The following ANAPC1 variants were observed in gnomAD, a reference collection of about 807,000 sequenced individuals.
The protein encoded by ANAPC1 is anaphase-promoting complex subunit 1.
A neutral mutation model predicts 208.0 loss-of-function variants in ANAPC1; 36 were observed. That is an observed-to-expected ratio of 0.17 (90% CI 0.13 to 0.23). The LOEUF (loss-of-function observed/expected upper bound fraction) is 0.23. ANAPC1 is among the 10% of genes least tolerant of loss of function. ANAPC1 has a pLI of 1.00. For synonymous variants in ANAPC1, 378 were observed against 695.2 expected, an observed-to-expected ratio of 0.54 and a Z score of 7.18; for missense variants, 942 against 2,011.6, an observed-to-expected ratio of 0.47 and a Z score of 10.17.
At chr2:111,874,009 C>T (rs1359179926) in intron 3 of ANAPC1, among the ~76,000 whole-genome samples, 2 of 151,966 alleles carry the variant, frequency 1.3e-5, no homozygotes, top group Admixed American at 6.6e-5. Flanking sequence ...TAGCTCAAAC[C>T]ATACTAAACC....
At chr2:111,868,783 TCGGCCTC>T (rs1349528593) in intron 6 of ANAPC1, among the ~76,000 whole-genome samples, 1 of 152,236 alleles carries the variant, frequency 6.6e-6, no homozygotes, top group Non-Finnish European at 1.5e-5. Context: ...TCCACCTGCC[TCGGCCTC>T]CCAGAGTGCT....
intron 17 of ANAPC1, among the ~76,000 whole-genome samples, chr2:111,842,280 T>A (rs1433533634): frequency 3.3e-5 from 5 of 152,210 alleles, no homozygotes; most frequent in African/African-American, 1.2e-4. Flanking sequence ...CTAAGTAGTA[T>A]AATTATTTTC....
chr2:111,830,045 A>G (rs1386598413), intron 21 of ANAPC1, among the ~76,000 whole-genome samples: 1 of 152,108 alleles, frequency 6.6e-6, no homozygotes, highest in Admixed American at 6.6e-5. Context: ...ACTCTAGCCT[A>G]GGCGACAGAG....
At chr2:111,773,995 T>C (rs1022214491) in intron 46 of ANAPC1, among the ~76,000 whole-genome samples, 3 of 150,572 alleles carry the variant, frequency 2.0e-5, no homozygotes, top group African/African-American at 7.3e-5. Context: ...GGAATGGAGA[T>C]GAGAAAAAGC....
intron 1 of ANAPC1, among the ~76,000 whole-genome samples, chr2:111,882,468 G>A (rs1329820618): frequency 3.3e-5 from 5 of 151,948 alleles, no homozygotes; most frequent in African/African-American, 1.2e-4. Context: ...GATGGCTCAC[G>A]CCTGCAATCC....
At chr2:111,847,469 C>CA (rs1438820621) in intron 15 of ANAPC1, among the ~76,000 whole-genome samples, 7 of 152,172 alleles carry the variant, frequency 4.6e-5, no homozygotes, top group Non-Finnish European at 7.4e-5. Context: ...AATGAGAAGA[C>CA]AAAAAATCAC....
chr2:111,835,746 G>C (rs939005759), intron 18 of ANAPC1, among the ~76,000 whole-genome samples: 1 of 152,166 alleles, frequency 6.6e-6, no homozygotes, highest in Non-Finnish European at 1.5e-5. Context: ...GGAGGCTGAG[G>C]CAGGAGAATG....
intron 37 of ANAPC1, 95 bp from the exon 38 acceptor site, chr2:111,792,650 T>C: frequency 9.8e-7 from 1 of 1,020,004 alleles, no homozygotes; most frequent in Non-Finnish European, 1.4e-6. Flanking sequence ...TACAAAAGTT[T>C]GTAACTTAAA....
intron 1 of ANAPC1, among the ~76,000 whole-genome samples, chr2:111,883,391 T>C (rs1683425789): frequency 6.6e-6 from 1 of 152,030 alleles, no homozygotes; most frequent in African/African-American, 2.4e-5. Context: ...ATGCCACATA[T>C]TTAATACTTT....
intron 13 of ANAPC1, among the ~76,000 whole-genome samples, chr2:111,853,537 C>A (rs1681526992): frequency 6.6e-6 from 1 of 152,096 alleles, no homozygotes; most frequent in African/African-American, 2.4e-5. Flanking sequence ...AATTCTAATT[C>A]TCCTGCTATT....
intron 17 of ANAPC1, among the ~76,000 whole-genome samples, chr2:111,840,860 CG>C (rs1680724104): frequency 6.6e-6 from 1 of 152,120 alleles, no homozygotes; most frequent in African/African-American, 2.4e-5. Context: ...ATAGCCGACA[CG>C]GCAAAACCCC....
rs188281910 is a variant in ANAPC1 at position 111,825,421 on chromosome 2, A to G, written c.2705-254T>C. Among the ~76,000 whole-genome samples the G allele has an allele frequency of 2.0e-4, 31 of 152,290 alleles. No individual in the cohort carries two copies. In the East Asian group the frequency reaches 6.0e-3, roughly 29 times the overall value. ...GCAACTGGCCCTGCAGAACCTGCAT[A>G]TGGGTTTCACATCAGAGAATACTGC... is the stretch of plus-strand genomic sequence containing the variant. On this transcript the variant is annotated intron_variant, in intron 22 of 47. Transcript: ENST00000341068.
chr2:111,809,939 C>T (rs1678883095), intron 28 of ANAPC1, among the ~76,000 whole-genome samples: 1 of 146,460 alleles, frequency 6.8e-6, no homozygotes, highest in Admixed American at 6.9e-5. Flanking sequence ...TAAGTATGTA[C>T]CACTACTTAC....
intron 13 of ANAPC1, among the ~76,000 whole-genome samples, chr2:111,854,561 A>C (rs1258128796): frequency 2.6e-5 from 4 of 152,166 alleles, no homozygotes; most frequent in African/African-American, 9.7e-5. Flanking sequence ...TTTCATCCAC[A>C]CTGAAAATCT....
At chr2:111,866,202 T>C (rs868475468) in intron 7 of ANAPC1, 3 of 162,740 alleles carry the variant, frequency 1.8e-5, no homozygotes, top group Non-Finnish European at 2.4e-5. Flanking sequence ...AGACTCTGTC[T>C]CAAAAAAAAA....
At chr2:111,883,481 T>G (rs1215394210) in intron 1 of ANAPC1, among the ~76,000 whole-genome samples, 1 of 151,832 alleles carries the variant, frequency 6.6e-6, no homozygotes, top group Non-Finnish European at 1.5e-5. Flanking sequence ...ACTATTAAAT[T>G]TATATGCTAT....
intron 25 of ANAPC1, 161 bp from the exon 26 acceptor site, chr2:111,821,614 C>G: frequency 1.7e-6 from 1 of 600,710 alleles, no homozygotes; most frequent in Non-Finnish European, 2.9e-6. Context: ...TACTGGGACT[C>G]TAATCTACAA....
At chr2:111,853,863 C>G (rs1681548968) in intron 13 of ANAPC1, among the ~76,000 whole-genome samples, 2 of 152,038 alleles carry the variant, frequency 1.3e-5, no homozygotes, top group Non-Finnish European at 2.9e-5. Context: ...ACTACAGGCA[C>G]CCGCCACCAC....
At position 111,833,270 on chromosome 2, in the gene ANAPC1, T is replaced by A; in HGVS notation, c.2426A>T (p.Asp809Val). 1.9e-6 allele frequency: 3 copies of A among 1,602,706 alleles called. No homozygotes were observed. The highest frequency in any genetic ancestry group is 2.6e-6 in the Non-Finnish European group (3 of 1,171,480). ...AGTAGTTCTGACAAGCGTTGGGTAG[T>A]CTCTATAGTAATGATCTACATAAGG... ...LGPYVDHYYRDYPTLVRTTGQ... is the reference protein window; with the variant it reads ...LGPYVDHYYRVYPTLVRTTGQ... Residue 809 changes from aspartate to valine, a missense_variant, in exon 20 of 48, where the codon GAC becomes GTC. Transcript: ENST00000341068.
Sources: gnomAD v4.1 joint callset for allele counts (sites outside exome capture counted in the v4.1 genomes callset) on GRCh38, gnomAD v4.1.1 for gene constraint, MANE v1.5 for transcripts, NCBI Gene and HGNC (gene_info 2026-07-23, HGNC 2026-07-21) for gene names.